Variants in INO80D observed in about 807,000 individuals in gnomAD.
INO80D encodes the protein INO80 complex subunit D.
In INO80D, 21 loss-of-function variants were observed where a neutral mutation model predicts 87.6. That is an observed-to-expected ratio of 0.24 (90% confidence interval 0.17 to 0.35). The LOEUF (loss-of-function observed/expected upper bound fraction) is 0.35. INO80D is among the 10% of genes least tolerant of loss of function. INO80D has a pLI of 1.00. For missense variants in INO80D, 982 were observed against 1,280.7 expected, an observed-to-expected ratio of 0.77 and a Z score of 3.56; for synonymous variants, 440 against 491.0, an observed-to-expected ratio of 0.90 and a Z score of 1.37.
chr2:206,008,933 T>C (rs1296166267), intron 9 of INO80D, among the ~76,000 whole-genome samples: 1 of 152,256 alleles, frequency 6.6e-6, no homozygotes, highest in Non-Finnish European at 1.5e-5. Flanking sequence ...GTCAAAATGT[T>C]TAACCCTGCC....
chr2:206,059,945 T>C (rs1386810048), intron 3 of INO80D, among the ~76,000 whole-genome samples: 4 of 152,212 alleles, frequency 2.6e-5, no homozygotes, highest in Non-Finnish European at 4.4e-5. Context: ...GGCTCATGTC[T>C]ATAATCCCAA....
intron 8 of INO80D, among the ~76,000 whole-genome samples, chr2:206,011,121 CT>C (rs1020810029): frequency 7.4e-5 from 11 of 149,488 alleles, no homozygotes; most frequent in African/African-American, 2.2e-4. Context: ...CTCTGTAGTT[CT>C]TTTTGTCTCA....
At chr2:206,050,496 G>GAAAAAAAAAAAA (rs3079265) in intron 4 of INO80D, among the ~76,000 whole-genome samples, 3 of 99,574 alleles carry the variant, frequency 3.0e-5, no homozygotes, top group Non-Finnish European at 5.4e-5. Flanking sequence ...CGTCTCAAAA[G>GAAAAAAAAAAAA]AAAAAAAAAA....
intron 1 of INO80D, among the ~76,000 whole-genome samples, chr2:206,079,751 G>A (rs1203345796): frequency 2.0e-5 from 3 of 152,130 alleles, no homozygotes; most frequent in South Asian, 2.1e-4. Context: ...TGCTTGTCAC[G>A]TAAAAGAAAT....
intron 3 of INO80D, among the ~76,000 whole-genome samples, chr2:206,060,564 CTT>C (rs375906117): frequency 7.0e-6 from 1 of 143,352 alleles, no homozygotes. Flanking sequence ...CAACTTAGTG[CTT>C]TTTTTTTTTT....
intron 1 of INO80D, among the ~76,000 whole-genome samples, chr2:206,065,662 T>A (rs767093943): frequency 6.6e-6 from 1 of 152,078 alleles, no homozygotes; most frequent in African/African-American, 2.4e-5. Context: ...ACATCCAGTA[T>A]ATATATAAGA....
Position 206,004,925 on chromosome 2 carries a change from T to C in INO80D, c.2527A>G (p.Ile843Val). ...TACGATGTTGTGTGGGGAGAGGTGA[T>C]ATGGTCACTGTAGGGAGACGGCACA... ...EHVPSPYSDH[I>V]TSPHTTSYSG... The change falls in exon 11 of 11, where the codon ATC becomes GTC. Residue 843 changes from isoleucine to valine, a missense_variant. Ile to Val is a conservative substitution (Grantham distance 29). Coordinates refer to ENST00000403263, the MANE Select transcript of INO80D (RefSeq NM_017759.5). This position sits in a 1 kb window ranked among gnomAD's most constrained non-coding sequence, Gnocchi z 4.9. 6.2e-7 allele frequency: 1 copy of C among 1,613,940 alleles called. No homozygotes were observed.
intron 1 of INO80D, among the ~76,000 whole-genome samples, chr2:206,067,953 T>C (rs1681688043): frequency 6.6e-6 from 1 of 152,022 alleles, no homozygotes; most frequent in African/African-American, 2.4e-5. Flanking sequence ...AAAAAAAAAA[T>C]GCAACTCAAC....
chr2:206,019,769 TGTTAGC>T lies in INO80D; in HGVS notation c.1369_1374del (p.Ala457_Asn458del). Reference sequence around the variant, plus strand: ...CAATGTCTGGTGAATGGAAGGGCTTTGTTAGCGCACTGTTCACCCTTCACGGTTCCA... The same window carrying T: ...CAATGTCTGGTGAATGGAAGGGCTTTGCACTGTTCACCCTTCACGGTTCCA... On this transcript the variant is annotated inframe_deletion, in exon 7 of 11. Transcript: ENST00000403263. 6.2e-7 allele frequency: 1 copy of T among 1,613,834 alleles called. No individual in the cohort carries two copies. The highest frequency in any genetic ancestry group is 8.5e-7 in the Non-Finnish European group (1 of 1,179,796).
intron 5 of INO80D, among the ~76,000 whole-genome samples, chr2:206,030,561 C>T (rs915636155): frequency 6.6e-6 from 1 of 151,764 alleles, no homozygotes; most frequent in Non-Finnish European, 1.5e-5. Context: ...AAATACAACA[C>T]GTAAGCCAAG....
chr2:206,050,528 T>G (rs1689329800), intron 4 of INO80D, among the ~76,000 whole-genome samples: 1 of 135,858 alleles, frequency 7.4e-6, no homozygotes, highest in South Asian at 2.4e-4. Context: ...AAAAAAAGAT[T>G]AAAAAATCAG....
intron 5 of INO80D, chr2:206,040,589 A>G: frequency 3.8e-6 from 1 of 265,998 alleles, no homozygotes; most frequent in Non-Finnish European, 8.1e-6. Context: ...TATCCCTGCA[A>G]AGTGACAGCT....
Position 205,996,019 on chromosome 2 carries a change from T to C in INO80D, c.*8349A>G, listed in dbSNP as rs1317037283. Reference sequence around the variant, plus strand: ...AGTGTGGAAATAAACCTAACACTAATATCGATCATAAAATCATAATTATGT... The same window carrying C: ...AGTGTGGAAATAAACCTAACACTAACATCGATCATAAAATCATAATTATGT... On this transcript the variant is annotated 3_prime_UTR_variant, in exon 11 of 11. Transcript: ENST00000403263. 6.6e-6 allele frequency: 1 copy of C among 152,134 alleles called. No individual in the cohort carries two copies. The highest frequency in any genetic ancestry group is 1.5e-5 in the Non-Finnish European group (1 of 67,970). The allele number at this position is 152,134 out of a possible 1,614,324, so 9.4% of individuals were successfully genotyped here.
At chr2:206,048,148 C>A (rs1575846670) in intron 4 of INO80D, among the ~76,000 whole-genome samples, 1 of 152,298 alleles carries the variant, frequency 6.6e-6, no homozygotes, top group East Asian at 1.9e-4. Flanking sequence ...AGCCACCGTG[C>A]CCAGCCTCTT....
In INO80D at chr2:206,085,333, C is replaced by T. The variant is rs1298059591; in HGVS notation, c.-124+568G>A. 2.6e-5 allele frequency among the ~76,000 whole-genome samples: 4 copies of T among 151,834 alleles called. No homozygotes were observed. Among genetic ancestry groups the T allele is most frequent in the African/African-American group, 7.3e-5 (3 of 41,364 alleles). On this transcript the variant is annotated intron_variant, in intron 1 of 10. Transcript: ENST00000403263. This position sits in a 1 kb window ranked among gnomAD's most constrained non-coding sequence, Gnocchi z 4.5. ...TCAACTCTTACCGGAATCTGGGGGC[C>T]GTCTGCGAGAGACCCGGGGGAAGGG...
chr2:206,074,161 G>C (rs1690046305), intron 1 of INO80D, among the ~76,000 whole-genome samples: 1 of 152,188 alleles, frequency 6.6e-6, no homozygotes, highest in South Asian at 2.1e-4. Flanking sequence ...CCTTAAAGGA[G>C]AGAATGCAGG....
chr2:206,051,998 G>C (rs999870926), intron 4 of INO80D, among the ~76,000 whole-genome samples: 2 of 152,136 alleles, frequency 1.3e-5, no homozygotes, highest in Admixed American at 1.3e-4. Context: ...AGTTTTATTT[G>C]AGAATATTCT....
intron 1 of INO80D, among the ~76,000 whole-genome samples, chr2:206,083,048 T>C (rs1442456705): frequency 1.3e-5 from 2 of 152,218 alleles, no homozygotes; most frequent in African/African-American, 4.8e-5. Flanking sequence ...AAAAAGCATA[T>C]TCCCTTAGTA....
chr2:206,006,301 G>A (rs1254948597), intron 10 of INO80D, among the ~76,000 whole-genome samples: 3 of 152,192 alleles, frequency 2.0e-5, no homozygotes, highest in African/African-American at 7.2e-5. Context: ...GGAATTGGCA[G>A]GATTAAGCAA....
Sources: allele counts gnomAD v4.1 joint callset (sites outside exome capture counted in the v4.1 genomes callset), GRCh38; gene constraint gnomAD v4.1.1; non-coding constraint Gnocchi (gnomAD v3.1); transcripts MANE v1.5; gene names NCBI Gene and HGNC (gene_info 2026-07-23, HGNC 2026-07-21).